SUN3: variants seen among roughly 807,000 people sequenced by gnomAD.
The protein encoded by SUN3 is SUN domain-containing protein 3.
Under a neutral mutation model 48.2 loss-of-function variants are expected in SUN3, and 36 were observed. That is an observed-to-expected ratio of 0.75 (90% CI 0.57 to 0.99). The LOEUF is 0.99. Ranked by LOEUF, SUN3 falls within the 50% of genes least tolerant of loss-of-function variation. SUN3 has a pLI of 0.00. For missense variants in SUN3, 419 were observed against 433.1 expected, an observed-to-expected ratio of 0.97 and a Z score of 0.29; for synonymous variants, 148 against 147.9, an observed-to-expected ratio of 1.00 and a Z score of 0.00.
Position 48,016,399 on chromosome 7 carries a change from T to C in SUN3, c.288+863A>G, listed in dbSNP as rs1789814790. Among the ~76,000 whole-genome samples the C allele has an allele frequency of 2.6e-5, 4 of 152,242 alleles. No individual in the cohort carries two copies. The South Asian group carries it at 8.3e-4, about 32-fold the overall frequency. ...CTCCGTTGCAATTCCCCTGTCTTGA[T>C]AAATTGGCTCTGTCAAGGCAATGGG... On this transcript the variant is annotated intron_variant, in intron 3 of 9. Transcript: ENST00000297325.
chr7:48,004,805 T>C (rs527941586), intron 6 of SUN3, among the ~76,000 whole-genome samples: 5 of 152,302 alleles, frequency 3.3e-5, no homozygotes, highest in African/African-American at 1.2e-4. Flanking sequence ...AAAAGGAAAC[T>C]CCCACAAGGC....
intron 2 of SUN3, among the ~76,000 whole-genome samples, chr7:48,025,131 A>G (rs908496110): frequency 6.6e-6 from 1 of 152,198 alleles, no homozygotes; most frequent in African/African-American, 2.4e-5. Context: ...ACTATTCACA[A>G]TAGCCTAAAG....
chr7:48,011,697 A>G (rs1010580040), intron 3 of SUN3, among the ~76,000 whole-genome samples: 9 of 152,236 alleles, frequency 5.9e-5, no homozygotes, highest in African/African-American at 2.2e-4. Flanking sequence ...ATATTTCACA[A>G]TTTTAAAAAC....
At chr7:48,006,788 G>T (rs894629688) in intron 5 of SUN3, among the ~76,000 whole-genome samples, 4 of 152,198 alleles carry the variant, frequency 2.6e-5, no homozygotes. Flanking sequence ...ACACAGTTTT[G>T]CCTGAATCTG....
chr7:48,035,433 C>G, the SUN3 span: 269,612 of 678,356 alleles, frequency 0.4, 55,214 homozygotes, highest in Middle Eastern at 0.56. This position sits in a 1 kb window ranked among gnomAD's most constrained non-coding sequence, Gnocchi z 4.0. Flanking sequence ...ACCGCTCCCC[C>G]TCAGGCTTCC....
upstream of SUN3, chr7:48,029,150 G>T: frequency 1.6e-6 from 1 of 613,580 alleles, no homozygotes. Flanking sequence ...TCATAATGCA[G>T]ATGGCCACCA....
At chr7:48,034,218 T>C in the SUN3 span, among the ~76,000 whole-genome samples, 2 of 152,246 alleles carry the variant, frequency 1.3e-5, no homozygotes, top group African/African-American at 4.8e-5. Flanking sequence ...TCTTGATTAC[T>C]CATGACTGGA....
chr7:48,020,886 C>A (rs760584949), intron 2 of SUN3, among the ~76,000 whole-genome samples: 5 of 151,920 alleles, frequency 3.3e-5, no homozygotes, highest in Non-Finnish European at 5.9e-5. Flanking sequence ...CAATCCCTAT[C>A]AAAATACCAA....
intron 3 of SUN3, among the ~76,000 whole-genome samples, chr7:48,012,277 T>G (rs1583769237): frequency 6.6e-6 from 1 of 152,298 alleles, no homozygotes; most frequent in East Asian, 1.9e-4. Context: ...TAAGGTAGGG[T>G]TTGTCTGCAT....
At chr7:48,008,916 G>C in intron 4 of SUN3, 119 bp downstream of exon 4, 1 of 806,606 alleles carries the variant, frequency 1.2e-6, no homozygotes, top group Non-Finnish European at 2.0e-6. Flanking sequence ...TTATTTCTGG[G>C]AGTGAAATTT....
rs534574156 is a variant in SUN3 at position 47,995,246 on chromosome 7, G to C, written c.694-764C>G. Among the ~76,000 whole-genome samples, 155 of 151,868 alleles carry C rather than the reference G, an allele frequency of 1.0e-3. 1 individual carries two copies. The highest frequency in any genetic ancestry group is 1.7e-3 in the Non-Finnish European group (114 of 67,892). On this transcript the variant is annotated intron_variant, in intron 7 of 9. Coordinates refer to ENST00000297325, the MANE Select transcript of SUN3 (RefSeq NM_001030019.2). ...GAAAGATGGTGAGGTGGTGGTGGTGGTGGCAGTGATGGTGGCTGTGGTGGC... is the reference window on the plus strand; with the variant it reads ...GAAAGATGGTGAGGTGGTGGTGGTGCTGGCAGTGATGGTGGCTGTGGTGGC...
In SUN3 at chr7:48,008,050, C is replaced by T. The variant is rs184226358; in HGVS notation, c.330-723G>A. 2.2e-3 allele frequency among the ~76,000 whole-genome samples: 339 copies of T among 152,250 alleles called. 1 individual carries two copies. Among genetic ancestry groups the T allele is most frequent in the African/African-American group, 7.8e-3 (325 of 41,510 alleles). On this transcript the variant is annotated intron_variant, in intron 4 of 9. Coordinates refer to ENST00000297325, the MANE Select transcript of SUN3 (RefSeq NM_001030019.2). ...TGTTGACCAGACTGGTCTCAAACTC[C>T]TGACCTCAAGTGATCCACCCGCCTC...
rs188088635 is a variant in SUN3, at chr7:48,007,947, C to T, written c.330-620G>A. 2.2e-4 allele frequency among the ~76,000 whole-genome samples: 34 copies of T among 152,142 alleles called. No individual in the cohort carries two copies. The East Asian group carries it at 6.4e-3, about 29-fold the overall frequency. On this transcript the variant is annotated intron_variant, in intron 4 of 9. Coordinates refer to ENST00000297325, the MANE Select transcript of SUN3 (RefSeq NM_001030019.2). ...CAAGTGATTCTCTTGCCTCAGCCTC[C>T]CCAGCAGCTAGGATAACAGGCACAT... is the stretch of plus-strand genomic sequence containing the variant.
intron 3 of SUN3, among the ~76,000 whole-genome samples, chr7:48,016,498 G>C (rs537763036): frequency 6.6e-6 from 1 of 152,216 alleles, no homozygotes; most frequent in East Asian, 1.9e-4. Flanking sequence ...GCATAGAATG[G>C]ACAAGGCTTA....
At chr7:47,998,398 A>AT (rs1318589282) in intron 6 of SUN3, among the ~76,000 whole-genome samples, 1 of 151,998 alleles carries the variant, frequency 6.6e-6, no homozygotes, top group Non-Finnish European at 1.5e-5. Flanking sequence ...CCTTTTGCCT[A>AT]TTTTTTATCT....
intron 2 of SUN3, among the ~76,000 whole-genome samples, chr7:48,021,809 T>C (rs1324306227): frequency 1.3e-5 from 2 of 152,150 alleles, no homozygotes; most frequent in South Asian, 4.1e-4. Flanking sequence ...AGAACTCTCA[T>C]ACACTGTTGG....
At chr7:48,017,435 T>A in intron 2 of SUN3, 70 bp from the exon 3 acceptor site, 1 of 850,128 alleles carries the variant, frequency 1.2e-6, no homozygotes, top group African/African-American at 1.7e-5. Flanking sequence ...CATGTATTCA[T>A]AAGAATTTCC....
At chr7:48,011,832 T>A (rs1439225588) in intron 3 of SUN3, among the ~76,000 whole-genome samples, 1 of 152,056 alleles carries the variant, frequency 6.6e-6, no homozygotes, top group Non-Finnish European at 1.5e-5. Flanking sequence ...AAATAAAGAT[T>A]GGAAAAGTAA....
At chr7:47,995,830 A>G (rs1789196321) in intron 7 of SUN3, among the ~76,000 whole-genome samples, 1 of 152,242 alleles carries the variant, frequency 6.6e-6, no homozygotes, top group Non-Finnish European at 1.5e-5. Flanking sequence ...TAAGTAAATA[A>G]TTAATCATAG....
Sources: gnomAD v4.1 joint callset for allele counts (sites outside exome capture counted in the v4.1 genomes callset) on GRCh38, gnomAD v4.1.1 for gene constraint, Gnocchi (gnomAD v3.1) non-coding constraint, MANE v1.5 for transcripts, NCBI Gene and HGNC (gene_info 2026-07-23, HGNC 2026-07-21) for gene names.